The following NLRP14 variants were observed in gnomAD, a reference collection of about 807,000 sequenced individuals.
NLRP14 encodes the protein NLR family pyrin domain containing 14, also known as NACHT, LRR and PYD domains-containing protein 14.
NLRP14 carries 105 observed loss-of-function variants against 94.7 expected under a neutral mutation model. The ratio of observed to expected loss-of-function variants is 1.11; its 90% CI spans 0.95 to 1.30. NLRP14 has a LOEUF of 1.30. NLRP14 is among the 50% of genes most tolerant of loss of function. The probability of loss-of-function intolerance (pLI) is 0.00; values close to 1 mark genes in which losing one functional copy is unlikely to be tolerated. For synonymous variants in NLRP14, 508 were observed against 459.9 expected (o/e 1.10, Z -1.34); for missense variants, 1,362 against 1,254.1 (o/e 1.09, Z -1.30).
chr11:7,047,763 C>CTTTTTTT lies in NLRP14; in HGVS notation c.2123+935_2123+936insTTTTTTT, dbSNP rs370253823. On this transcript the variant is annotated intron_variant, in intron 5 of 11. Coordinates refer to ENST00000299481, the MANE Select transcript of NLRP14 (RefSeq NM_176822.4). ...AATTTATCTTCTTTCTCTTTCTTTT[C>CTTTTTTT]TTTTCTTTTTTTTTTTTGAGACAGT... Among the ~76,000 whole-genome samples, 18 of 123,844 alleles carry CTTTTTTT rather than the reference C, an allele frequency of 1.5e-4. 4 individuals are homozygous for CTTTTTTT. The highest frequency in any genetic ancestry group is 4.6e-4 in the East Asian group (2 of 4,340). 81.2% of individuals were successfully genotyped at this position (123,844 alleles called of 152,430 possible).
intron 10 of NLRP14, among the ~76,000 whole-genome samples, chr11:7,063,553 C>A (rs1212411322): frequency 6.6e-6 from 1 of 151,974 alleles, no homozygotes; most frequent in Non-Finnish European, 1.5e-5. Context: ...TTTTTGTTAG[C>A]AAACATGTAG....
In NLRP14 at chr11:7,038,891, G is replaced by A. The variant is rs1363142943; in HGVS notation, c.289+16G>A. 1 of 1,611,754 alleles carries A rather than the reference G, an allele frequency of 6.2e-7. No homozygotes were observed. The highest frequency in any genetic ancestry group is 1.3e-5 in the African/African-American group (1 of 74,868). On this transcript the variant is annotated intron_variant, in intron 2 of 11. Transcript: ENST00000299481. The stretch of plus-strand genomic sequence containing the variant: ...GAGATCAACTGTGAGTGATGCTAGG[G>A]GCAAATCGGGGGCTAGGCAGGAAGG...
chr11:7,034,247 T>C (rs1020004838), intron 1 of NLRP14, among the ~76,000 whole-genome samples: 1 of 152,202 alleles, frequency 6.6e-6, no homozygotes, highest in African/African-American at 2.4e-5. Context: ...GACATTTGCT[T>C]TGTACTTTGG....
Position 7,043,500 on chromosome 11 carries a change from T to C in NLRP14, c.1474T>C (p.Tyr492His), listed in dbSNP as rs745705981. 2.5e-6 allele frequency: 4 copies of C among 1,614,184 alleles called. No individual in the cohort carries two copies. Among genetic ancestry groups the C allele is most frequent in the Non-Finnish European group, 3.4e-6 (4 of 1,180,036 alleles). ...TCAGGAGTTTTTTGCAGCTATGTTC[T>C]ATATGTTGAAAGGCAGTTGGGAAGC... The part of the protein sequence containing the change: ...HVQEFFAAMF[Y>H]MLKGSWEAGN... Residue 492 changes from tyrosine (Y) to histidine (H), a missense_variant, in exon 4 of 12, where the codon TAT becomes CAT. Physicochemically the swap from Tyr to His is moderately conservative, Grantham distance 83. Coordinates refer to ENST00000299481, the MANE Select transcript of NLRP14 (RefSeq NM_176822.4).
intron 1 of NLRP14, among the ~76,000 whole-genome samples, chr11:7,032,121 C>G (rs1294385801): frequency 6.6e-6 from 1 of 152,136 alleles, no homozygotes; most frequent in Admixed American, 6.5e-5. Flanking sequence ...TATTTCTCCA[C>G]TTATTTAAGG....
At chr11:7,039,509 TCTC>T (rs1235534116) in intron 2 of NLRP14, among the ~76,000 whole-genome samples, 1 of 152,002 alleles carries the variant, frequency 6.6e-6, no homozygotes, top group Non-Finnish European at 1.5e-5. Flanking sequence ...TGGCAAGAGG[TCTC>T]CTACTTCAGT....
intron 4 of NLRP14, among the ~76,000 whole-genome samples, chr11:7,044,973 T>C (rs968828537): frequency 1.3e-5 from 2 of 152,170 alleles, no homozygotes; most frequent in African/African-American, 4.8e-5. Context: ...ATTAGGTAGG[T>C]GCTATTATTT....
chr11:7,041,207 A>AT (rs1275327521), intron 3 of NLRP14, among the ~76,000 whole-genome samples: 1 of 151,798 alleles, frequency 6.6e-6, no homozygotes, highest in Non-Finnish European at 1.5e-5. Context: ...GCTTTTTGGG[A>AT]TTTTTTAGTT....
chr11:7,084,753 T>C, the NLRP14 span, among the ~76,000 whole-genome samples: 1 of 152,200 alleles, frequency 6.6e-6, no homozygotes, highest in Non-Finnish European at 1.5e-5. Flanking sequence ...CAGATTTCTG[T>C]GAGATATCAT....
intron 1 of NLRP14, among the ~76,000 whole-genome samples, chr11:7,022,705 A>G (rs1219129230): frequency 6.6e-6 from 1 of 152,210 alleles, no homozygotes; most frequent in African/African-American, 2.4e-5. Context: ...TAAAGATTAT[A>G]GTTCAAAACC....
At chr11:7,053,662 C>T (rs1415229486) in intron 6 of NLRP14, among the ~76,000 whole-genome samples, 4 of 151,234 alleles carry the variant, frequency 2.6e-5, no homozygotes, top group African/African-American at 7.3e-5. Context: ...TCTGTATTTT[C>T]AATTTTTTAG....
the NLRP14 span, among the ~76,000 whole-genome samples, chr11:7,087,615 T>G: frequency 6.6e-6 from 1 of 152,194 alleles, no homozygotes; most frequent in African/African-American, 2.4e-5. Context: ...ATTTTATAAG[T>G]AAATTTATAA....
the NLRP14 span, chr11:7,090,138 C>T: frequency 6.2e-7 from 1 of 1,613,268 alleles, no homozygotes; most frequent in Non-Finnish European, 8.5e-7. Flanking sequence ...CTCGAGGGGC[C>T]GACACCGGGT....
chr11:7,023,724 A>T (rs1851977380), intron 1 of NLRP14, among the ~76,000 whole-genome samples: 1 of 152,092 alleles, frequency 6.6e-6, no homozygotes, highest in Non-Finnish European at 1.5e-5. Context: ...CTTTACAGGA[A>T]GTACGGTGCT....
chr11:7,042,827 C>G lies in NLRP14; in HGVS notation c.801C>G (p.Ala267=). 6.2e-7 allele frequency: 1 copy of G among 1,614,124 alleles called. No homozygotes were observed. The highest frequency in any genetic ancestry group is 8.5e-7 in the Non-Finnish European group (1 of 1,180,016). ...IIDSFDELNF[A]FEEPEFALCE... ...ACAGTTTCGATGAACTGAACTTTGC[C>G]TTTGAAGAACCTGAGTTTGCACTGT... The change falls in exon 4 of 12, where the codon GCC becomes GCG. Residue 267 remains alanine, a synonymous_variant. Transcript: ENST00000299481.
Position 7,038,804 on chromosome 11 carries a change from G to A in NLRP14, c.218G>A (p.Ser73Asn), listed in dbSNP as rs1293930540. The change falls in exon 2 of 12, where the codon AGT becomes AAT. Residue 73 changes from serine (S) to asparagine (N), a missense_variant. Ser to Asn is a conservative substitution (Grantham distance 46). Transcript: ENST00000299481. ...TATTATCCAGGAGAGAAAGCCTGGA[G>A]TGTGTCTCTCAAAATCTTTGGCAAG... ...KKYYPGEKAWSVSLKIFGKMN... is the reference protein window; with the variant it reads ...KKYYPGEKAWNVSLKIFGKMN... 6.2e-7 allele frequency: 1 copy of A among 1,613,148 alleles called. No individual in the cohort carries two copies. Among genetic ancestry groups the A allele is most frequent in the Admixed American group, 1.7e-5 (1 of 59,858 alleles).
intron 9 of NLRP14, among the ~76,000 whole-genome samples, chr11:7,060,610 T>C (rs1852603272): frequency 6.6e-6 from 1 of 152,084 alleles, no homozygotes. Context: ...TTTAGATTTA[T>C]ATTTAAACTC....
chr11:7,067,190 T>C (rs1852717966), intron 10 of NLRP14, among the ~76,000 whole-genome samples: 1 of 152,190 alleles, frequency 6.6e-6, no homozygotes, highest in African/African-American at 2.4e-5. Context: ...TACGGGCTCT[T>C]TTTTGGTTCC....
chr11:7,080,265 G>C, the NLRP14 span, among the ~76,000 whole-genome samples: 1 of 152,182 alleles, frequency 6.6e-6, no homozygotes, highest in African/African-American at 2.4e-5. Flanking sequence ...CTTAGTGTCA[G>C]AATAGAATTG....
Sources: gnomAD v4.1 joint callset for allele counts (sites outside exome capture counted in the v4.1 genomes callset) on GRCh38, gnomAD v4.1.1 for gene constraint, MANE v1.5 for transcripts, NCBI Gene and HGNC (gene_info 2026-07-23, HGNC 2026-07-21) for gene names.